SYNJ1: variants seen among roughly 807,000 people sequenced by gnomAD.
The protein encoded by SYNJ1 is synaptojanin 1.
A neutral mutation model predicts 168.2 loss-of-function variants in SYNJ1; 78 were observed. The ratio of observed to expected loss-of-function variants is 0.46; its 90% CI spans 0.39 to 0.56. The LOEUF is 0.56. Ranked by LOEUF, SYNJ1 falls within the 20% of genes least tolerant of loss-of-function variation. SYNJ1 has a pLI of 0.00. For missense variants in SYNJ1, 1,303 were observed against 1,597.6 expected (o/e 0.82, Z 3.14); for synonymous variants, 539 against 548.6 (o/e 0.98, Z 0.24).
chr21:32,722,204 AAATATAT>A (rs1478087673), intron 2 of SYNJ1, among the ~76,000 whole-genome samples: 5,628 of 71,006 alleles, frequency 0.079, 126 homozygotes, highest in Non-Finnish European at 0.1. Context: ...AAAAAAAAAA[AAATATAT>A]ATATATATAT....
At chr21:32,727,053 G>A in intron 1 of SYNJ1, 136 bp from the exon 2 acceptor site, 5 of 1,203,024 alleles carry the variant, frequency 4.2e-6, no homozygotes, top group Non-Finnish European at 4.6e-6. Flanking sequence ...AGCTCTGGGA[G>A]AAAATGGCTT....
intron 18 of SYNJ1, among the ~76,000 whole-genome samples, chr21:32,661,800 C>T (rs1019090770): frequency 6.6e-6 from 1 of 152,218 alleles, no homozygotes; most frequent in Middle Eastern, 3.4e-3. Flanking sequence ...TATCATAGGC[C>T]TCCTCCTATA....
intron 24 of SYNJ1, 111 bp downstream of exon 24, chr21:32,646,282 A>C (rs2145780996): frequency 9.3e-7 from 1 of 1,080,202 alleles, no homozygotes; most frequent in Non-Finnish European, 1.4e-6. Context: ...TCTGTACCGG[A>C]GAAAACAGGG....
chr21:32,636,609 T>A (rs1005422657), intron 31 of SYNJ1, among the ~76,000 whole-genome samples: 4 of 152,104 alleles, frequency 2.6e-5, no homozygotes, highest in African/African-American at 4.8e-5. Flanking sequence ...TCCAATAATT[T>A]AAAATTTTTT....
In SYNJ1 at chr21:32,653,273, C is replaced by T. The variant is rs1415878715; in HGVS notation, c.2874+15G>A. 2 of 1,602,720 alleles carry T rather than the reference C, an allele frequency of 1.2e-6. No homozygotes were observed. Among genetic ancestry groups the T allele is most frequent in the Non-Finnish European group, 1.7e-6 (2 of 1,171,954 alleles). On this transcript the variant is annotated intron_variant, in intron 22 of 32. Coordinates refer to ENST00000674351, the MANE Select transcript of SYNJ1 (RefSeq NM_203446.3). ...TAATTTCAGAATGGTTTAGAATCAA[C>T]AAATGCTACCTTACCTCTTTACCAT...
chr21:32,703,904 A>G (rs2042503956), intron 2 of SYNJ1, among the ~76,000 whole-genome samples: 1 of 151,796 alleles, frequency 6.6e-6, no homozygotes, highest in Non-Finnish European at 1.5e-5. Context: ...TTATTTTTGT[A>G]GAGATACAGT....
In SYNJ1 at chr21:32,657,113, A is replaced by C. The variant is rs182699215; in HGVS notation, c.2469T>G (p.Asp823Glu). 6.2e-7 allele frequency: 1 copy of C among 1,602,628 alleles called. No homozygotes were observed. The highest frequency in any genetic ancestry group is 2.2e-5 in the East Asian group (1 of 44,816). Residue 823 changes from aspartate (D) to glutamate (E), a missense_variant, in exon 20 of 33, where the codon GAT becomes GAG. Transcript: ENST00000674351. ...RKWPFDRSAEDLDLLNASFQD... is the reference protein window; with the variant it reads ...RKWPFDRSAEELDLLNASFQD... ...GAAAACTAGCATTTAGAAGATCTAGATCTTCAGCTGCAGTCAGAAGAAATG... is the reference window on the plus strand; with the variant it reads ...GAAAACTAGCATTTAGAAGATCTAGCTCTTCAGCTGCAGTCAGAAGAAATG...
rs116097971 is a variant in SYNJ1 at position 32,696,273 on chromosome 21, G to A, written c.480-991C>T. On this transcript the variant is annotated intron_variant, in intron 4 of 32. Coordinates refer to ENST00000674351, the MANE Select transcript of SYNJ1 (RefSeq NM_203446.3). ...TAGTGCAGGCATAGGGTTTATCATC[G>A]CTCCAAATACTTTTAGCATTCTAGG... Among the ~76,000 whole-genome samples the A allele has an allele frequency of 1.8e-3, 275 of 152,274 alleles. 2 individuals carry two copies. The highest frequency in any genetic ancestry group is 6.4e-3 in the African/African-American group (264 of 41,554).
chr21:32,660,598 G>A (rs1350733539), intron 18 of SYNJ1, among the ~76,000 whole-genome samples: 1 of 152,266 alleles, frequency 6.6e-6, no homozygotes, highest in East Asian at 1.9e-4. Flanking sequence ...AGAAAGATGT[G>A]CAGGATATGC....
At position 32,631,206 on chromosome 21, in the gene SYNJ1, A is replaced by C. The variant is rs1300552741; in HGVS notation, c.*599T>G. On this transcript the variant is annotated 3_prime_UTR_variant, in exon 33 of 33. Transcript: ENST00000674351. ...AGAAAATGAACTTGGCTGATTACCCAGTAAGTCTGAACAAGCTGACTTTGA... is the reference window on the plus strand; with the variant it reads ...AGAAAATGAACTTGGCTGATTACCCCGTAAGTCTGAACAAGCTGACTTTGA... 2 of 1,614,132 alleles carry C rather than the reference A, an allele frequency of 1.2e-6. No individual in the cohort carries two copies.
At position 32,630,074 on chromosome 21, in the gene SYNJ1, G is replaced by A. The variant is rs2039264716; in HGVS notation, c.*1731C>T. On this transcript the variant is annotated 3_prime_UTR_variant, in exon 33 of 33. Coordinates refer to ENST00000674351, the MANE Select transcript of SYNJ1 (RefSeq NM_203446.3). ...CGAACGTACGCAGAGAAGAGAGTAC[G>A]GTTAGCTCTAATATTTCTCATTGAA... 1 of 152,222 alleles carries A rather than the reference G, an allele frequency of 6.6e-6. No individual in the cohort carries two copies. Among genetic ancestry groups the A allele is most frequent in the South Asian group, 2.1e-4 (1 of 4,830 alleles). The allele number at this position is 152,222 out of a possible 1,614,324, so 9.4% of individuals were successfully genotyped here.
intron 6 of SYNJ1, among the ~76,000 whole-genome samples, chr21:32,691,714 T>C (rs1321686761): frequency 2.0e-5 from 3 of 152,226 alleles, no homozygotes; most frequent in Non-Finnish European, 2.9e-5. Context: ...CAAATTCATC[T>C]TGGTATTTAT....
rs763338383 is a variant in SYNJ1, at chr21:32,639,659, A to C, written c.3697+12T>G. On this transcript the variant is annotated intron_variant, in intron 30 of 32. Coordinates refer to ENST00000674351, the MANE Select transcript of SYNJ1 (RefSeq NM_203446.3). ...GTGATCCTCCTGCCTCAGCCTCCCA[A>C]AGAGGACCTACCTTTCGACGTTTCT... 199 of 1,611,948 alleles carry C rather than the reference A, an allele frequency of 1.2e-4. No homozygotes were observed. Among genetic ancestry groups the C allele is most frequent in the Non-Finnish European group, 1.5e-4 (179 of 1,178,790 alleles).
At position 32,657,790 on chromosome 21, in the gene SYNJ1, C is replaced by G; in HGVS notation, c.2387G>C (p.Ser796Thr). The change falls in exon 19 of 33, where the codon AGT becomes ACT. Residue 796 changes from serine to threonine, a missense_variant. Transcript: ENST00000674351. ...CCAGGCAGGGGTGCGGCACTTTTCA[C>G]TGGTGTCATAGTCGTCAGAAAACAA... ...YDLFSDDYDT[S>T]EKCRTPAWTD... 1 of 1,614,176 alleles carries G rather than the reference C, an allele frequency of 6.2e-7. No individual in the cohort carries two copies. Among genetic ancestry groups the G allele is most frequent in the Admixed American group, 1.7e-5 (1 of 60,020 alleles).
At chr21:32,695,787 C>T (rs2042184612) in intron 4 of SYNJ1, among the ~76,000 whole-genome samples, 1 of 151,090 alleles carries the variant, frequency 6.6e-6, no homozygotes, top group Admixed American at 6.6e-5. Context: ...CTCAGCCTCC[C>T]ACGTAGCTGG....
At chr21:32,670,581 C>T (rs542588765) in intron 14 of SYNJ1, among the ~76,000 whole-genome samples, 20 of 152,236 alleles carry the variant, frequency 1.3e-4, no homozygotes, top group South Asian at 4.1e-4. Flanking sequence ...TTCTTTAAGA[C>T]GGTTATCCTT....
Position 32,687,850 on chromosome 21 carries a change from T to C in SYNJ1, c.851+456A>G, listed in dbSNP as rs564337654. ...ACTTTTCATAAGCATGGGTTCCACA[T>C]GGCCGACTGTGGGACTTGAGTATGC... On this transcript the variant is annotated intron_variant, in intron 7 of 32. Transcript: ENST00000674351. 5.3e-5 allele frequency among the ~76,000 whole-genome samples: 8 copies of C among 152,286 alleles called. 1 individual carries two copies. The South Asian group carries it at 1.5e-3, about 28-fold the overall frequency.
chr21:32,666,345 T>G, intron 16 of SYNJ1, 88 bp downstream of exon 16: 1 of 1,531,612 alleles, frequency 6.5e-7, no homozygotes, highest in South Asian at 1.3e-5. Flanking sequence ...AGTTTTTGTT[T>G]GAAGAACTGA....
chr21:32,683,372 C>T (rs1201898388), intron 10 of SYNJ1, among the ~76,000 whole-genome samples: 1 of 151,780 alleles, frequency 6.6e-6, no homozygotes, highest in South Asian at 2.1e-4. Context: ...TTGCAAACAG[C>T]GACCTTATCA....
Sources: gnomAD v4.1 joint callset for allele counts (sites outside exome capture counted in the v4.1 genomes callset) on GRCh38, gnomAD v4.1.1 for gene constraint, MANE v1.5 for transcripts, NCBI Gene and HGNC (gene_info 2026-07-23, HGNC 2026-07-21) for gene names.